Variants in ZSCAN30 observed in about 807,000 individuals in gnomAD.
ZSCAN30 encodes zinc finger and SCAN domain-containing protein 30.
Under a neutral mutation model 44.3 loss-of-function variants are expected in ZSCAN30, and 37 were observed. The observed-to-expected ratio is 0.84, with a 90% CI of 0.64 to 1.10. The LOEUF (loss-of-function observed/expected upper bound fraction) is 1.10, where lower values mean the gene tolerates loss of function less well. Among genes scored for constraint, ZSCAN30 ranks in the 50% least tolerant of loss-of-function variants. The pLI, the probability that ZSCAN30 is intolerant of heterozygous loss-of-function variation, is 0.00. For missense variants in ZSCAN30, 549 were observed against 582.6 expected (o/e 0.94, Z 0.59); for synonymous variants, 181 against 204.6 (o/e 0.88, Z 0.98).
chr18:35,282,578 AT>A (rs1376249948), intron 1 of ZSCAN30: 2 of 152,226 alleles, frequency 1.3e-5, no homozygotes, highest in African/African-American at 4.8e-5. Context: ...AATAGTAGCC[AT>A]TTGTAGTTCA....
At chr18:35,272,417 G>A (rs191041547) in intron 1 of ZSCAN30, among the ~76,000 whole-genome samples, 38 of 147,770 alleles carry the variant, frequency 2.6e-4, no homozygotes, top group African/African-American at 7.7e-4. Context: ...GCACAATCTC[G>A]GCTCACTGCA....
intron 1 of ZSCAN30, among the ~76,000 whole-genome samples, chr18:35,271,679 C>G (rs7240503): frequency 0.78 from 119,167 of 152,238 alleles, 48,275 homozygotes; most frequent in Non-Finnish European, 0.89. Flanking sequence ...GGCAGTCGAT[C>G]GGACCGGGCA....
At chr18:35,263,256 A>AT in intron 3 of ZSCAN30, 1 of 437,000 alleles carries the variant, frequency 2.3e-6, no homozygotes, top group Non-Finnish European at 4.0e-6. Flanking sequence ...AAAAAAAAAA[A>AT]GAAAAAAGAA....
chr18:35,263,573 G>A lies in ZSCAN30; in HGVS notation c.493C>T (p.Gln165Ter). 2 of 1,614,206 alleles carry A rather than the reference G, an allele frequency of 1.2e-6. No individual in the cohort carries two copies. Among genetic ancestry groups the A allele is most frequent in the Middle Eastern group, 3.3e-4 (2 of 6,062 alleles). The change falls in exon 3 of 4, where the codon CAG (glutamine) becomes TAG (stop). Residue 165 changes from glutamine (Q) to a stop codon, truncating the protein, a stop_gained. Transcript: ENST00000333206. LOFTEE classifies it high-confidence loss of function. Reference protein sequence around the residue: ...LKSLSLNSPVQPLENQCKTET... With the variant: ...LKSLSLNSPV The stretch of plus-strand genomic sequence containing the variant: ...GTCTTGCACTGGTTCTCTAAGGGCT[G>A]CACCGGGCTATTCAGAGACAGAGAC...
At chr18:35,259,746 C>T (rs1348711473) in intron 3 of ZSCAN30, 4 of 154,208 alleles carry the variant, frequency 2.6e-5, no homozygotes, top group Non-Finnish European at 5.9e-5. Context: ...CCAAGAAACA[C>T]TTACCACAGT....
chr18:35,271,589 G>A (rs1461406834), intron 1 of ZSCAN30, among the ~76,000 whole-genome samples: 1 of 152,076 alleles, frequency 6.6e-6, no homozygotes, highest in Non-Finnish European at 1.5e-5. Flanking sequence ...AGCTGGCTTT[G>A]CCTAGTGGAA....
At chr18:35,270,172 C>T (rs2044241981) in intron 1 of ZSCAN30, 1 of 152,124 alleles carries the variant, frequency 6.6e-6, no homozygotes. Flanking sequence ...CAATTTTGGT[C>T]AACTAATTTT....
chr18:35,270,310 G>A (rs2044245101), intron 1 of ZSCAN30: 1 of 152,110 alleles, frequency 6.6e-6, no homozygotes, highest in Non-Finnish European at 1.5e-5. Flanking sequence ...TAAAAAGAAG[G>A]CAGAAATAGG....
intron 1 of ZSCAN30, among the ~76,000 whole-genome samples, chr18:35,277,180 G>A (rs1192705894): frequency 6.6e-6 from 1 of 152,186 alleles, no homozygotes; most frequent in Non-Finnish European, 1.5e-5. Flanking sequence ...ATCATATCCA[G>A]GAAGTAACTA....
chr18:35,266,008 G>C (rs1400711162), intron 1 of ZSCAN30, among the ~76,000 whole-genome samples: 1 of 152,194 alleles, frequency 6.6e-6, no homozygotes, highest in Non-Finnish European at 1.5e-5. Flanking sequence ...GGGTATGAGA[G>C]AATGTGGCCC....
At chr18:35,276,308 A>T (rs56314913) in intron 1 of ZSCAN30, among the ~76,000 whole-genome samples, 2,394 of 150,770 alleles carry the variant, frequency 0.016, 59 homozygotes, top group African/African-American at 0.052. Context: ...TTTTTTTTTT[A>T]AATTACTAAC....
Position 35,285,486 on chromosome 18 carries a change from C to G in ZSCAN30, c.-104+4598G>C, listed in dbSNP as rs563438262. Among the ~76,000 whole-genome samples the G allele has an allele frequency of 9.2e-5, 14 of 152,232 alleles. No individual in the cohort carries two copies. In the South Asian group the frequency reaches 2.7e-3, roughly 29 times the overall value. On this transcript the variant is annotated intron_variant, in intron 1 of 3. Coordinates refer to ENST00000333206, the MANE Select transcript of ZSCAN30 (RefSeq NM_001112734.4). Reference sequence around the variant, plus strand: ...TGCATGGAACATTTATGAAGACAGACCATGTTTTGGGCCATTAATGAGTCT... The same window carrying G: ...TGCATGGAACATTTATGAAGACAGAGCATGTTTTGGGCCATTAATGAGTCT...
At chr18:35,258,042 A>G (rs1466634751) in intron 3 of ZSCAN30, 2 of 777,942 alleles carry the variant, frequency 2.6e-6, no homozygotes, top group Non-Finnish European at 4.8e-6. Context: ...AGAAACTTAT[A>G]ACTCAAGGTT....
rs2043614821 is a variant in ZSCAN30 at position 35,252,000 on chromosome 18, C to G, written c.*1450G>C. 2 of 152,086 alleles carry G rather than the reference C, an allele frequency of 1.3e-5. No homozygotes were observed. Among genetic ancestry groups the G allele is most frequent in the African/African-American group, 4.8e-5 (2 of 41,392 alleles). 9.4% of individuals were successfully genotyped at this position (152,086 alleles called of 1,614,324 possible). On this transcript the variant is annotated 3_prime_UTR_variant, in exon 4 of 4. Transcript: ENST00000333206. ...TTAAAACTGCCAAAATAAAAATTAG[C>G]AGAGAGAGTTACAGGCAGAGGTTAT... is the stretch of plus-strand genomic sequence containing the variant.
At chr18:35,263,369 C>G in intron 3 of ZSCAN30, 144 bp downstream of exon 3, 1 of 1,027,528 alleles carries the variant, frequency 9.7e-7, no homozygotes, top group Non-Finnish European at 1.4e-6. Flanking sequence ...TAGGCAGAGC[C>G]TAAGGAAGAA....
Position 35,264,398 on chromosome 18 carries a change from GGA to G in ZSCAN30, c.-48_-47del, listed in dbSNP as rs2044103454. On this transcript the variant is annotated 5_prime_UTR_variant, in exon 2 of 4. Coordinates refer to ENST00000333206, the MANE Select transcript of ZSCAN30 (RefSeq NM_001112734.4). ...AAAGGCTGCCCAGGTGAGGCAGGGA[GGA>G]GATGGAGATTTGCGTCTGAGAGATT... 6.4e-7 allele frequency: 1 copy of G among 1,568,522 alleles called. No homozygotes were observed. Among genetic ancestry groups the G allele is most frequent in the Non-Finnish European group, 8.6e-7 (1 of 1,157,684 alleles).
At chr18:35,258,067 G>A in intron 3 of ZSCAN30, 1 of 766,600 alleles carries the variant, frequency 1.3e-6, no homozygotes, top group Non-Finnish European at 2.4e-6. Flanking sequence ...AAATGGCATG[G>A]TGACTCTTAC....
intron 1 of ZSCAN30, among the ~76,000 whole-genome samples, chr18:35,272,000 C>T (rs536584165): frequency 4.9e-4 from 75 of 152,316 alleles, no homozygotes; most frequent in African/African-American, 1.7e-3. Flanking sequence ...TTCCCGCCCA[C>T]GCCTCTCTCT....
At chr18:35,270,088 C>T (rs1314821456) in intron 1 of ZSCAN30, 1 of 152,138 alleles carries the variant, frequency 6.6e-6, no homozygotes, top group Non-Finnish European at 1.5e-5. Flanking sequence ...AAACACTTCT[C>T]TATCATTTAT....
Sources: gnomAD v4.1 joint callset for allele counts (sites outside exome capture counted in the v4.1 genomes callset) on GRCh38, gnomAD v4.1.1 for gene constraint, MANE v1.5 for transcripts, NCBI Gene and HGNC (gene_info 2026-07-23, HGNC 2026-07-21) for gene names.